FGF14: variants seen among roughly 807,000 people sequenced by gnomAD.
FGF14 encodes the protein fibroblast growth factor 14, also known as fibroblast growth factor homologous factor 4.
In FGF14, 5 loss-of-function variants were observed where a neutral mutation model predicts 25.5. The ratio of observed to expected loss-of-function variants is 0.20; its 90% CI spans 0.10 to 0.41. FGF14 has a LOEUF of 0.41. Among genes scored for constraint, FGF14 ranks in the 10% least tolerant of loss-of-function variants. FGF14 has a pLI of 1.00. For synonymous variants in FGF14, 138 were observed against 118.3 expected, an observed-to-expected ratio of 1.17 and a Z score of -1.08; for missense variants, 222 against 320.1, an observed-to-expected ratio of 0.69 and a Z score of 2.34.
chr13:102,252,717 C>T (rs556560597), intron 1 of FGF14, among the ~76,000 whole-genome samples: 3 of 151,688 alleles, frequency 2.0e-5, no homozygotes, highest in East Asian at 1.9e-4. Flanking sequence ...ATGCTCAGAA[C>T]GTGCAGGTTT....
At chr13:102,261,047 A>C (rs2052693891) in intron 1 of FGF14, among the ~76,000 whole-genome samples, 1 of 152,220 alleles carries the variant, frequency 6.6e-6, no homozygotes, top group Admixed American at 6.5e-5. Flanking sequence ...CTGAAAAGTG[A>C]ATAACTGAAA....
At chr13:102,245,264 G>T (rs926572966) in intron 1 of FGF14, among the ~76,000 whole-genome samples, 1 of 152,104 alleles carries the variant, frequency 6.6e-6, no homozygotes, top group Admixed American at 6.6e-5. Flanking sequence ...TAATGTAGTT[G>T]TGTGTCTCCC....
chr13:101,810,961 A>G (rs559417678), intron 3 of FGF14, among the ~76,000 whole-genome samples: 1 of 152,270 alleles, frequency 6.6e-6, no homozygotes, highest in African/African-American at 2.4e-5. Flanking sequence ...GAGCAGTTTT[A>G]GGTCACAGCC....
intron 1 of FGF14, among the ~76,000 whole-genome samples, chr13:102,160,479 C>A (rs1019105419): frequency 6.6e-6 from 1 of 152,146 alleles, no homozygotes; most frequent in Non-Finnish European, 1.5e-5. Context: ...CGGCTCTCTG[C>A]CCCGACCCTT....
rs746040831 is a variant in FGF14 at position 101,868,764 on chromosome 13, C to A, written c.369G>T (p.Leu123Phe). ...VVAIQGVKTG[L>F]YIAMNGEGYL... ...AACCTTCTCCATTCATGGCTATATACAACCCTGTTTTCACTCCCTGGATGG... is the reference window on the plus strand; with the variant it reads ...AACCTTCTCCATTCATGGCTATATAAAACCCTGTTTTCACTCCCTGGATGG... Residue 123 changes from leucine (L) to phenylalanine (F), a missense_variant, in exon 3 of 5, where the codon TTG (leucine) becomes TTT (phenylalanine). By Grantham distance (22) the Leu-to-Phe change is conservative (BLOSUM62 0). This residue lies in a region of FGF14 where 50 missense variants were observed against 75.2 expected (regional missense o/e 0.66). Transcript: ENST00000376143. 1 of 1,613,596 alleles carries A rather than the reference C, an allele frequency of 6.2e-7. No homozygotes were observed. Among genetic ancestry groups the A allele is most frequent in the African/African-American group, 1.3e-5 (1 of 75,024 alleles).
intron 4 of FGF14, among the ~76,000 whole-genome samples, chr13:101,723,284 C>T (rs1260531363): frequency 6.6e-6 from 1 of 151,606 alleles, no homozygotes; most frequent in Non-Finnish European, 1.5e-5. Context: ...CACACACACA[C>T]ACACTATAGG....
rs1566764229 is a variant in FGF14, at chr13:102,161,601, G to GA, written c.208+239869dup. 5.8e-3 allele frequency among the ~76,000 whole-genome samples: 13 copies of GA among 2,246 alleles called. 2 individuals are homozygous for GA. The highest frequency in any genetic ancestry group is 6.0e-3 in the African/African-American group (1 of 166). 1.5% of individuals were successfully genotyped at this position (2,246 alleles called of 152,430 possible). ...AGAAGAAGAAGAAGAAGAAGAAGAA[G>GA]AAGAAGAAGAAGAAGAAGAAGAAGA... is the stretch of plus-strand genomic sequence containing the variant. On this transcript the variant is annotated intron_variant, in intron 1 of 4. Transcript: ENST00000376131.
intron 1 of FGF14, among the ~76,000 whole-genome samples, chr13:102,133,407 G>T (rs1008391640): frequency 6.6e-6 from 1 of 152,138 alleles, no homozygotes; most frequent in Admixed American, 6.6e-5. Flanking sequence ...CAATAATTTG[G>T]ATTGTGTTAA....
intron 1 of FGF14, among the ~76,000 whole-genome samples, chr13:102,188,215 CA>C (rs1310741765): frequency 1.3e-5 from 2 of 150,538 alleles, no homozygotes; most frequent in Non-Finnish European, 3.0e-5. Context: ...TATTAGAGGC[CA>C]AAAAAAATGT....
intron 3 of FGF14, among the ~76,000 whole-genome samples, chr13:101,742,962 A>G (rs138113215): frequency 6.6e-6 from 1 of 152,190 alleles, no homozygotes; most frequent in South Asian, 2.1e-4. Flanking sequence ...TAAATTGTGC[A>G]TTCACTGAAA....
chr13:101,817,766 G>A (rs1003388162), intron 3 of FGF14, among the ~76,000 whole-genome samples: 1 of 152,142 alleles, frequency 6.6e-6, no homozygotes, highest in African/African-American at 2.4e-5. Flanking sequence ...TCTGGCTGCT[G>A]CATGAGTTTA....
chr13:101,745,630 G>A (rs1363120238), intron 3 of FGF14, among the ~76,000 whole-genome samples: 1 of 151,954 alleles, frequency 6.6e-6, no homozygotes, highest in African/African-American at 2.4e-5. Flanking sequence ...TTACAAGTAG[G>A]TCTATTTAAC....
intron 1 of FGF14, among the ~76,000 whole-genome samples, chr13:102,172,932 G>A (rs569033162): frequency 6.6e-6 from 1 of 152,240 alleles, no homozygotes; most frequent in East Asian, 1.9e-4. Context: ...CAAATTAAGT[G>A]AGATTCTATA....
chr13:101,723,216 G>A (rs2035118364), intron 4 of FGF14: 2 of 499,308 alleles, frequency 4.0e-6, no homozygotes, highest in Admixed American at 6.2e-5. Context: ...TTTTTGTCTA[G>A]GACAGCAGGT....
At chr13:102,092,912 A>G (rs549398090) in intron 1 of FGF14, among the ~76,000 whole-genome samples, 7 of 152,316 alleles carry the variant, frequency 4.6e-5, no homozygotes, top group African/African-American at 1.2e-4. Flanking sequence ...TATGAAGAAG[A>G]AGGCAGCATG....
chr13:102,183,820 AAATAGTCTAAGAT>A (rs2048771344), intron 1 of FGF14, among the ~76,000 whole-genome samples: 1 of 152,186 alleles, frequency 6.6e-6, no homozygotes, highest in South Asian at 2.1e-4. Flanking sequence ...AATGGTGGGA[AAATAGTCTAAGAT>A]GTGGGACACA....
At chr13:101,799,613 C>T (rs989038566) in intron 3 of FGF14, among the ~76,000 whole-genome samples, 3 of 152,048 alleles carry the variant, frequency 2.0e-5, no homozygotes, top group Non-Finnish European at 4.4e-5. Flanking sequence ...ATAGTATGCA[C>T]GTATTAGTCT....
intron 1 of FGF14, among the ~76,000 whole-genome samples, chr13:102,244,126 C>T (rs772370307): frequency 2.6e-5 from 4 of 152,010 alleles, no homozygotes; most frequent in Admixed American, 6.6e-5. Context: ...ACTACAAACG[C>T]GGTCTGTATT....
chr13:101,955,133 C>T (rs79028689), intron 1 of FGF14, among the ~76,000 whole-genome samples: 7,992 of 152,284 alleles, frequency 0.052, 319 homozygotes, highest in Middle Eastern at 0.078. Context: ...GGAGACTGTA[C>T]GTAGATCTAG....
Sources: allele counts gnomAD v4.1 joint callset (sites outside exome capture counted in the v4.1 genomes callset), GRCh38; gene constraint gnomAD v4.1.1; regional missense constraint gnomAD v4.1.1; transcripts MANE v1.5; gene names NCBI Gene and HGNC (gene_info 2026-07-23, HGNC 2026-07-21).